The following SCAPER variants were observed in gnomAD, a reference collection of about 807,000 sequenced individuals.
SCAPER encodes S phase cyclin A-associated protein in the endoplasmic reticulum.
In SCAPER, 98 loss-of-function variants were observed where a neutral mutation model predicts 182.2. The observed-to-expected ratio is 0.54, with a 90% CI of 0.46 to 0.64. SCAPER has a LOEUF of 0.64. Among genes scored for constraint, SCAPER ranks in the 30% least tolerant of loss-of-function variants. SCAPER has a pLI of 0.00. For synonymous variants in SCAPER, 605 were observed against 564.6 expected, an observed-to-expected ratio of 1.07 and a Z score of -1.01; for missense variants, 1,432 against 1,690.0, an observed-to-expected ratio of 0.85 and a Z score of 2.68.
Position 76,713,942 on chromosome 15 carries a change from T to A in SCAPER, c.2166-7958A>T, listed in dbSNP as rs1224096945. 2.6e-5 allele frequency among the ~76,000 whole-genome samples: 4 copies of A among 152,260 alleles called. No homozygotes were observed. The East Asian group carries it at 7.7e-4, about 29-fold the overall frequency. On this transcript the variant is annotated intron_variant, in intron 17 of 31. Transcript: ENST00000563290. ...AAAAAGACTCATATGCAAACATCCATATCAGCTTTATCTGTAATAGCCAAA... is the reference window on the plus strand; with the variant it reads ...AAAAAGACTCATATGCAAACATCCAAATCAGCTTTATCTGTAATAGCCAAA...
intron 6 of SCAPER, among the ~76,000 whole-genome samples, chr15:76,802,252 G>T (rs948088761): frequency 6.6e-5 from 10 of 152,310 alleles, no homozygotes; most frequent in African/African-American, 2.4e-4. Context: ...CAGGGCTCAT[G>T]AGGATTAGAC....
intron 5 of SCAPER, among the ~76,000 whole-genome samples, chr15:76,807,117 A>G (rs1330902175): frequency 6.6e-6 from 1 of 152,230 alleles, no homozygotes; most frequent in Admixed American, 6.5e-5. Flanking sequence ...GCAAGAAAAG[A>G]CATCACTCTC....
chr15:76,739,096 G>A (rs902363337), intron 15 of SCAPER, among the ~76,000 whole-genome samples: 6 of 152,116 alleles, frequency 3.9e-5, no homozygotes, highest in Non-Finnish European at 5.9e-5. Flanking sequence ...GTAATCTAGA[G>A]GTGATTTAAA....
chr15:76,453,967 A>C (rs2048549000), intron 25 of SCAPER, among the ~76,000 whole-genome samples: 1 of 152,182 alleles, frequency 6.6e-6, no homozygotes, highest in Admixed American at 6.5e-5. Flanking sequence ...GTAGTACAGT[A>C]AGTACATTCT....
intron 7 of SCAPER, among the ~76,000 whole-genome samples, chr15:76,795,727 T>G (rs1169365714): frequency 6.6e-6 from 1 of 152,132 alleles, no homozygotes; most frequent in Non-Finnish European, 1.5e-5. Flanking sequence ...AAATTATGCA[T>G]AGGTACCTTA....
chr15:76,786,926 A>C (rs2064654794), intron 8 of SCAPER, among the ~76,000 whole-genome samples: 1 of 152,212 alleles, frequency 6.6e-6, no homozygotes, highest in Non-Finnish European at 1.5e-5. Context: ...GTCCAACAAA[A>C]AAGTACAGAA....
chr15:76,604,758 A>G (rs942560056), intron 22 of SCAPER, among the ~76,000 whole-genome samples: 2 of 151,530 alleles, frequency 1.3e-5, no homozygotes, highest in Non-Finnish European at 2.9e-5. Flanking sequence ...TGTAAGTTGG[A>G]TTCCTAGGTA....
chr15:76,498,164 A>C (rs916076780), intron 24 of SCAPER, among the ~76,000 whole-genome samples: 1 of 152,108 alleles, frequency 6.6e-6, no homozygotes. Flanking sequence ...ACTACTACTA[A>C]TATTTAGAGT....
At chr15:76,442,911 A>T (rs1214268773) in intron 25 of SCAPER, among the ~76,000 whole-genome samples, 2 of 152,194 alleles carry the variant, frequency 1.3e-5, no homozygotes, top group Non-Finnish European at 2.9e-5. Flanking sequence ...TTATTCAAGT[A>T]ATCTCATCTA....
chr15:76,888,976 C>A (rs2074013367), intron 1 of SCAPER, among the ~76,000 whole-genome samples: 1 of 152,238 alleles, frequency 6.6e-6, no homozygotes, highest in African/African-American at 2.4e-5. Context: ...AACAGCAGAT[C>A]TCCTAGCAGT....
At chr15:76,746,959 AT>A (rs1351664032) in intron 15 of SCAPER, among the ~76,000 whole-genome samples, 2 of 152,220 alleles carry the variant, frequency 1.3e-5, no homozygotes, top group Non-Finnish European at 2.9e-5. Context: ...AAGATATGTA[AT>A]CCCTAACAAA....
intron 1 of SCAPER, among the ~76,000 whole-genome samples, chr15:76,899,463 G>A (rs1159390861): frequency 2.0e-5 from 3 of 152,198 alleles, no homozygotes; most frequent in Non-Finnish European, 2.9e-5. Context: ...CTCACTCAAT[G>A]CTCAATGTTG....
At chr15:76,592,673 A>G (rs1480584225) in intron 22 of SCAPER, among the ~76,000 whole-genome samples, 1 of 123,054 alleles carries the variant, frequency 8.1e-6, no homozygotes, top group Non-Finnish European at 2.0e-5. Flanking sequence ...ATGGAGGGTC[A>G]GCCAAAGCAG....
At chr15:76,412,640 T>G (rs1265295924) in intron 26 of SCAPER, among the ~76,000 whole-genome samples, 1 of 152,182 alleles carries the variant, frequency 6.6e-6, no homozygotes, top group Non-Finnish European at 1.5e-5. Context: ...CTGTCTTGAT[T>G]AGCATAACTC....
At chr15:76,727,001 A>G (rs11072618) in intron 17 of SCAPER, among the ~76,000 whole-genome samples, 41,394 of 151,842 alleles carry the variant, frequency 0.27, 6,419 homozygotes, top group East Asian at 0.55. Context: ...GATAAATTTC[A>G]TGCTATTTAT....
intron 23 of SCAPER, among the ~76,000 whole-genome samples, chr15:76,514,816 T>A (rs2042296182): frequency 6.6e-6 from 1 of 152,220 alleles, no homozygotes; most frequent in Non-Finnish European, 1.5e-5. Context: ...TACTAACACT[T>A]AAAAGACATC....
chr15:76,700,070 C>A (rs188005268), intron 20 of SCAPER, among the ~76,000 whole-genome samples: 1 of 152,278 alleles, frequency 6.6e-6, no homozygotes, highest in East Asian at 1.9e-4. Flanking sequence ...CCTGGAAGCA[C>A]CTCGTTTGGG....
chr15:76,372,824 A>G lies in SCAPER; in HGVS notation c.3855+3338T>C, dbSNP rs180764163. On this transcript the variant is annotated intron_variant, in intron 29 of 31. Coordinates refer to ENST00000563290, the MANE Select transcript of SCAPER (RefSeq NM_020843.4). ...GCCATACAGCCATTAAAAATACTTAACAAAGATTCTGATATAATGTTAAGT... is the reference window on the plus strand; with the variant it reads ...GCCATACAGCCATTAAAAATACTTAGCAAAGATTCTGATATAATGTTAAGT... 1.5e-3 allele frequency among the ~76,000 whole-genome samples: 231 copies of G among 152,310 alleles called. 1 individual carries two copies. Among genetic ancestry groups the G allele is most frequent in the Non-Finnish European group, 2.5e-3 (171 of 68,026 alleles).
intron 26 of SCAPER, among the ~76,000 whole-genome samples, chr15:76,432,279 C>G (rs2046921313): frequency 6.6e-6 from 1 of 152,176 alleles, no homozygotes; most frequent in African/African-American, 2.4e-5. Flanking sequence ...GGCTAAAAGT[C>G]AAGTGCTGTA....
Sources: allele counts gnomAD v4.1 joint callset (sites outside exome capture counted in the v4.1 genomes callset), GRCh38; gene constraint gnomAD v4.1.1; transcripts MANE v1.5; gene names NCBI Gene and HGNC (gene_info 2026-07-23, HGNC 2026-07-21).